The following EXOC6B variants were observed in gnomAD, a reference collection of about 807,000 sequenced individuals.
The protein encoded by EXOC6B is SEC15 homolog B.
In EXOC6B, 54 loss-of-function variants were observed where a neutral mutation model predicts 113.5. That is an observed-to-expected ratio of 0.48 (90% CI 0.38 to 0.60). EXOC6B has a LOEUF of 0.60. EXOC6B is among the 20% of genes least tolerant of loss of function. The probability of loss-of-function intolerance (pLI) is 0.00; values close to 1 mark genes in which losing one functional copy is unlikely to be tolerated. For synonymous variants in EXOC6B, 357 were observed against 339.0 expected (o/e 1.05, Z -0.58); for missense variants, 797 against 977.5 (o/e 0.82, Z 2.46).
intron 8 of EXOC6B, among the ~76,000 whole-genome samples, chr2:72,543,773 T>C (rs942739848): frequency 6.6e-6 from 1 of 152,138 alleles, no homozygotes; most frequent in Non-Finnish European, 1.5e-5. Context: ...TTCTCTAAGA[T>C]CTATGTAGTG....
At chr2:72,716,289 A>T (rs1423050991) in intron 6 of EXOC6B, among the ~76,000 whole-genome samples, 3 of 152,180 alleles carry the variant, frequency 2.0e-5, no homozygotes, top group Non-Finnish European at 4.4e-5. Flanking sequence ...AAACCATCAC[A>T]AACCAGAAAC....
intron 2 of EXOC6B, among the ~76,000 whole-genome samples, chr2:72,734,000 C>T (rs1680799165): frequency 6.6e-6 from 1 of 152,120 alleles, no homozygotes; most frequent in Non-Finnish European, 1.5e-5. Context: ...CATGCGAGCA[C>T]ACACAGTCTC....
intron 20 of EXOC6B, among the ~76,000 whole-genome samples, chr2:72,288,040 CA>C (rs2104698832): frequency 6.6e-6 from 1 of 152,122 alleles, no homozygotes; most frequent in East Asian, 1.9e-4. Context: ...AATGGTACTT[CA>C]AAAATAAGGT....
intron 1 of EXOC6B, among the ~76,000 whole-genome samples, chr2:72,823,823 T>A (rs1686740289): frequency 6.6e-6 from 1 of 152,060 alleles, no homozygotes; most frequent in Non-Finnish European, 1.5e-5. Context: ...CTAAACATGC[T>A]ACAGACATTT....
chr2:72,350,671 A>G (rs1193324301), intron 19 of EXOC6B, among the ~76,000 whole-genome samples: 1 of 152,232 alleles, frequency 6.6e-6, no homozygotes, highest in Non-Finnish European at 1.5e-5. Context: ...GTAAGGCGTC[A>G]AAGATTTGAC....
chr2:72,454,266 G>A (rs1573155920), intron 18 of EXOC6B, among the ~76,000 whole-genome samples: 1 of 152,080 alleles, frequency 6.6e-6, no homozygotes. Context: ...CACTGCGGGA[G>A]GCCAAGGCAG....
chr2:72,540,803 T>C (rs186302004), intron 8 of EXOC6B, among the ~76,000 whole-genome samples: 2 of 152,348 alleles, frequency 1.3e-5, no homozygotes, highest in Admixed American at 1.3e-4. Context: ...TGTTTTGCAC[T>C]GTAACAGTAA....
In EXOC6B at chr2:72,219,873, A is replaced by C. The variant is rs185548948; in HGVS notation, c.2197-35686T>G. Reference sequence around the variant, plus strand: ...TTAGTATCCCATGTATTTATGAAAAACTAAGGCTCAGATTGGTTAAGTGAT... The same window carrying C: ...TTAGTATCCCATGTATTTATGAAAACCTAAGGCTCAGATTGGTTAAGTGAT... On this transcript the variant is annotated intron_variant, in intron 20 of 21. Transcript: ENST00000272427. Among the ~76,000 whole-genome samples, 697 of 152,254 alleles carry C rather than the reference A, an allele frequency of 4.6e-3. 7 individuals carry two copies. Among genetic ancestry groups the C allele is most frequent in the African/African-American group, 0.016 (645 of 41,550 alleles).
At position 72,380,651 on chromosome 2, in the gene EXOC6B, AGG is replaced by A. The variant is rs1354490786; in HGVS notation, c.1981-783_1981-782del. Among the ~76,000 whole-genome samples, 3 of 152,018 alleles carry A rather than the reference AGG, an allele frequency of 2.0e-5. No individual in the cohort carries two copies. In the East Asian group the frequency reaches 5.8e-4, roughly 30 times the overall value. ...TCCGCCTCAAAAAAGAGGAGAGGGA[AGG>A]GGAGGGGAGGGGAAGGTTATTTAAA... On this transcript the variant is annotated intron_variant, in intron 18 of 21. Coordinates refer to ENST00000272427, the MANE Select transcript of EXOC6B (RefSeq NM_015189.3).
chr2:72,631,500 A>AAAGACAAGGTCTTGCTCT (rs1672463885), intron 6 of EXOC6B, among the ~76,000 whole-genome samples: 1 of 128,496 alleles, frequency 7.8e-6, no homozygotes, highest in Non-Finnish European at 1.6e-5. Flanking sequence ...AGAGAGAGAG[A>AAAGACAAGGTCTTGCTCT]GAGAGAGAGA....
At position 72,527,873 on chromosome 2, in the gene EXOC6B, T is replaced by C. The variant is rs566714264; in HGVS notation, c.916-12747A>G. 2.6e-5 allele frequency among the ~76,000 whole-genome samples: 4 copies of C among 152,124 alleles called. No homozygotes were observed. The South Asian group carries it at 8.3e-4, about 31-fold the overall frequency. On this transcript the variant is annotated intron_variant, in intron 8 of 21. Coordinates refer to ENST00000272427, the MANE Select transcript of EXOC6B (RefSeq NM_015189.3). ...TTTGCTCATTTTCCTACTTGCATTG[T>C]TTCTTTTGTTTTTTGTTTATTTGTT...
intron 6 of EXOC6B, among the ~76,000 whole-genome samples, chr2:72,645,485 A>G (rs1386462456): frequency 2.0e-5 from 3 of 152,220 alleles, no homozygotes; most frequent in African/African-American, 4.8e-5. Context: ...AGCAGAATAT[A>G]CATTCATCTC....
chr2:72,429,978 A>G (rs760401142), intron 18 of EXOC6B, among the ~76,000 whole-genome samples: 1 of 152,246 alleles, frequency 6.6e-6, no homozygotes, highest in Non-Finnish European at 1.5e-5. Flanking sequence ...TTATCATCAC[A>G]AAACAAAAGG....
At chr2:72,649,843 G>C (rs1674027374) in intron 6 of EXOC6B, among the ~76,000 whole-genome samples, 1 of 152,082 alleles carries the variant, frequency 6.6e-6, no homozygotes. Context: ...AAATGGTGCT[G>C]CTGGAGCAAT....
intron 18 of EXOC6B, among the ~76,000 whole-genome samples, chr2:72,392,057 C>CT (rs1490045443): frequency 4.6e-5 from 7 of 152,116 alleles, no homozygotes; most frequent in African/African-American, 1.4e-4. Flanking sequence ...ATATTTCATT[C>CT]TTTTTTTAAA....
At chr2:72,338,761 T>C (rs182692702) in intron 19 of EXOC6B, among the ~76,000 whole-genome samples, 5 of 152,168 alleles carry the variant, frequency 3.3e-5, no homozygotes, top group Non-Finnish European at 5.9e-5. Flanking sequence ...ACAGAAAACA[T>C]GATAGTAAGC....
At chr2:72,442,596 A>G (rs1169467017) in intron 18 of EXOC6B, among the ~76,000 whole-genome samples, 1 of 152,160 alleles carries the variant, frequency 6.6e-6, no homozygotes, top group Admixed American at 6.5e-5. Flanking sequence ...ATACACCAAC[A>G]ACAGCCAAGC....
chr2:72,634,765 G>T (rs949604314), intron 6 of EXOC6B, among the ~76,000 whole-genome samples: 38 of 152,192 alleles, frequency 2.5e-4, no homozygotes, highest in Admixed American at 2.0e-3. Flanking sequence ...AACTGCTGAA[G>T]TTTCAAACTT....
In EXOC6B at chr2:72,449,948, CTCTG is replaced by C. The variant is rs1363201621; in HGVS notation, c.1980+15208_1980+15211del. Among the ~76,000 whole-genome samples the C allele has an allele frequency of 5.3e-5, 8 of 152,202 alleles. No homozygotes were observed. The South Asian group carries it at 8.3e-4, about 16-fold the overall frequency. On this transcript the variant is annotated intron_variant, in intron 18 of 21. Coordinates refer to ENST00000272427, the MANE Select transcript of EXOC6B (RefSeq NM_015189.3). ...TTAACTAGTTCATACTCTTATTTAT[CTCTG>C]TCTAACTTCTACTTTGTAGAACAAC... is the stretch of plus-strand genomic sequence containing the variant.
Sources: allele counts gnomAD v4.1 joint callset (sites outside exome capture counted in the v4.1 genomes callset), GRCh38; gene constraint gnomAD v4.1.1; transcripts MANE v1.5; gene names NCBI Gene and HGNC (gene_info 2026-07-23, HGNC 2026-07-21).